The following ABHD1 variants were observed in gnomAD, a reference collection of about 807,000 sequenced individuals.
The protein encoded by ABHD1 is protein ABHD1.
In ABHD1, 47 loss-of-function variants were observed where a neutral mutation model predicts 41.4. That is an observed-to-expected ratio of 1.13 (90% CI 0.90 to 1.45). The LOEUF (loss-of-function observed/expected upper bound fraction) is 1.45. Ranked by LOEUF, ABHD1 falls within the 40% of genes most tolerant of loss-of-function variation. ABHD1 has a pLI of 0.00. For missense variants in ABHD1, 550 were observed against 503.4 expected (o/e 1.09, Z -0.89); for synonymous variants, 205 against 203.7 (o/e 1.01, Z -0.05).
chr2:27,128,012 T>C (rs1231087220), intron 1 of ABHD1, among the ~76,000 whole-genome samples: 2 of 151,896 alleles, frequency 1.3e-5, no homozygotes, highest in African/African-American at 4.8e-5. Context: ...ACAGTGGTGC[T>C]ATCATAGCTC....
At position 27,130,563 on chromosome 2, in the gene ABHD1, C is replaced by G. The variant is rs184214963; in HGVS notation, c.1037C>G (p.Pro346Arg). The change falls in exon 9 of 9, where the codon CCC becomes CGC. Residue 346 changes from proline (P) to arginine (R), a missense_variant. By Grantham distance (103) the Pro-to-Arg change is moderately radical. Transcript: ENST00000316470. ...ALPIQAAQHS[P>R]YVALLITARG... The stretch of plus-strand genomic sequence containing the variant: ...CCCATACAGGCCGCCCAACACTCCC[C>G]CTACGTTGCGCTGCTCATCACAGCC... 7 of 1,614,098 alleles carry G rather than the reference C, an allele frequency of 4.3e-6. No individual in the cohort carries two copies. The highest frequency in any genetic ancestry group is 4.0e-5 in the African/African-American group (3 of 74,950).
Position 27,124,067 on chromosome 2 carries a change from G to T in ABHD1, c.114+5G>T. 1 of 1,613,234 alleles carries T rather than the reference G, an allele frequency of 6.2e-7. No homozygotes were observed. Among genetic ancestry groups the T allele is most frequent in the Non-Finnish European group, 8.5e-7 (1 of 1,179,138 alleles). On this transcript the variant is annotated splice_donor_5th_base_variant and intron_variant, in intron 1 of 8. Coordinates refer to ENST00000316470, the MANE Select transcript of ABHD1 (RefSeq NM_032604.4). ...TACTGGGCATGTGTGCTTCAGGTGGGTGCGGGTCCACCGCTCTGGCCAGCG... is the reference window on the plus strand; with the variant it reads ...TACTGGGCATGTGTGCTTCAGGTGGTTGCGGGTCCACCGCTCTGGCCAGCG...
chr2:27,124,454 C>G (rs546694071), intron 1 of ABHD1: 8 of 360,794 alleles, frequency 2.2e-5, no homozygotes, highest in South Asian at 1.0e-4. Context: ...CACCCACCCC[C>G]CAAATAGCTT....
In ABHD1 at chr2:27,130,734, G is replaced by C; in HGVS notation, c.1208G>C (p.Arg403Thr). ...AGGGCTCTCTTACCTTCTGAGGACAGAAACAGCTGACAAGAGTACCATTTG... is the reference window on the plus strand; with the variant it reads ...AGGGCTCTCTTACCTTCTGAGGACACAAACAGCTGACAAGAGTACCATTTG... ...DLRALLPSED[R>T]NS The change falls in exon 9 of 9, where the codon AGA (arginine) becomes ACA (threonine). Residue 403 changes from arginine (R) to threonine (T), a missense_variant. Transcript: ENST00000316470. 1.9e-6 allele frequency: 3 copies of C among 1,614,114 alleles called. No individual in the cohort carries two copies. Among genetic ancestry groups the C allele is most frequent in the Non-Finnish European group, 2.5e-6 (3 of 1,179,962 alleles).
Position 27,129,297 on chromosome 2 carries a change from G to T in ABHD1, c.459-19G>T. 6.2e-7 allele frequency: 1 copy of T among 1,614,062 alleles called. No homozygotes were observed. Among genetic ancestry groups the T allele is most frequent in the Non-Finnish European group, 8.5e-7 (1 of 1,179,972 alleles). On this transcript the variant is annotated intron_variant, in intron 3 of 8. Transcript: ENST00000316470. ...GGGCTAAGAAGGGTCTGGCTAAGATGTACCTGTGTGTGCCACAGGGCTGTC... is the reference window on the plus strand; with the variant it reads ...GGGCTAAGAAGGGTCTGGCTAAGATTTACCTGTGTGTGCCACAGGGCTGTC...
chr2:27,123,894 A>G lies in ABHD1; in HGVS notation c.-55A>G, dbSNP rs1392278840. 1.3e-6 allele frequency: 2 copies of G among 1,500,222 alleles called. No homozygotes were observed. Among genetic ancestry groups the G allele is most frequent in the Admixed American group, 1.7e-5 (1 of 57,776 alleles). The allele number at this position is 1,500,222 out of a possible 1,614,324, so 92.9% of individuals were successfully genotyped here. ...GGCGGCGGGTGGGACCGCGAGTTAC[A>G]GCCGGCCAACTGGGGCCAGCCAGGA... On this transcript the variant is annotated 5_prime_UTR_variant, in exon 1 of 9. Coordinates refer to ENST00000316470, the MANE Select transcript of ABHD1 (RefSeq NM_032604.4).
chr2:27,125,847 G>C (rs908984796), intron 1 of ABHD1: 8 of 148,636 alleles, frequency 5.4e-5, no homozygotes, highest in African/African-American at 2.0e-4. Context: ...GTTGCGGTGA[G>C]CTGAGATGGC....
At chr2:27,129,171 G>A (rs376830651) in intron 3 of ABHD1, 44 bp downstream of exon 3, 92 of 1,597,812 alleles carry the variant, frequency 5.8e-5, no homozygotes, top group Non-Finnish European at 7.0e-5. Context: ...ATCTGAGAAC[G>A]TGTATTAGGG....
chr2:27,129,969 G>C, intron 6 of ABHD1, 42 bp downstream of exon 6: 1 of 1,612,724 alleles, frequency 6.2e-7, no homozygotes, highest in Non-Finnish European at 8.5e-7. Flanking sequence ...GACAGAGTAG[G>C]ATGGCAGACA....
At chr2:27,124,535 C>T (rs957945391) in intron 1 of ABHD1, 11 of 323,046 alleles carry the variant, frequency 3.4e-5, no homozygotes, top group African/African-American at 6.6e-5. Context: ...ATGGATGACC[C>T]CAACTGTCCT....
chr2:27,126,360 A>G (rs551784794), intron 1 of ABHD1: 32 of 152,370 alleles, frequency 2.1e-4, no homozygotes, highest in African/African-American at 7.5e-4. Flanking sequence ...CACGACTGAC[A>G]GCTGTCGTAA....
intron 2 of ABHD1, 126 bp from the exon 3 acceptor site, chr2:27,128,816 TGAA>T (rs1457383958): frequency 4.7e-6 from 6 of 1,275,478 alleles, no homozygotes; most frequent in South Asian, 2.9e-5. Flanking sequence ...CTGTTTTACA[TGAA>T]GAACACCCTC....
intron 1 of ABHD1, among the ~76,000 whole-genome samples, chr2:27,127,845 C>T (rs1010619224): frequency 6.6e-6 from 1 of 152,048 alleles, no homozygotes; most frequent in East Asian, 2.0e-4. Flanking sequence ...CAGGCATGAG[C>T]GACTGCGCCC....
intron 1 of ABHD1, chr2:27,126,227 A>G (rs1368695795): frequency 2.6e-5 from 4 of 152,264 alleles, no homozygotes; most frequent in African/African-American, 9.6e-5. Flanking sequence ...GTAATGTCAT[A>G]GTTAATAATT....
In ABHD1 at chr2:27,129,547, G is replaced by T. The variant is rs143292268; in HGVS notation, c.538G>T (p.Asp180Tyr). Reference sequence around the variant, plus strand: ...GGCTTTTTGTGCCAGCAATACTGAAGATCTAGAGACAGTCGTGAACCACAT... The same window carrying T: ...GGCTTTTTGTGCCAGCAATACTGAATATCTAGAGACAGTCGTGAACCACAT... The part of the protein sequence containing the change: ...HRAFCASNTE[D>Y]LETVVNHIKH... The change falls in exon 5 of 9, where the codon GAT (aspartate) becomes TAT (tyrosine). Residue 180 changes from aspartate (D) to tyrosine (Y), a missense_variant. Asp to Tyr is a radical substitution (Grantham distance 160, BLOSUM62 -3). Transcript: ENST00000316470. 1.2e-6 allele frequency: 2 copies of T among 1,614,022 alleles called. No homozygotes were observed. The highest frequency in any genetic ancestry group is 2.7e-5 in the African/African-American group (2 of 74,926).
rs763747273 is a variant in ABHD1, at chr2:27,129,827, T to A, written c.691T>A (p.Cys231Ser). The change falls in exon 6 of 9, where the codon TGC (cysteine) becomes AGC (serine). Residue 231 changes from cysteine (C) to serine (S), a missense_variant. By Grantham distance (112) the Cys-to-Ser change is moderately radical. Transcript: ENST00000316470. Reference sequence around the variant, plus strand: ...GGTGGCAGCACTGACTCTGTCTGCATGCTGGGATTCCTTTGAGACCACTCG... The same window carrying A: ...GGTGGCAGCACTGACTCTGTCTGCAAGCTGGGATTCCTTTGAGACCACTCG... ...GLVAALTLSA[C>S]WDSFETTRSL... 6.2e-7 allele frequency: 1 copy of A among 1,614,222 alleles called. No individual in the cohort carries two copies. Among genetic ancestry groups the A allele is most frequent in the African/African-American group, 1.3e-5 (1 of 75,072 alleles).
intron 2 of ABHD1, 124 bp from the exon 3 acceptor site, chr2:27,128,821 A>G: frequency 7.8e-7 from 1 of 1,287,350 alleles, no homozygotes; most frequent in South Asian, 1.4e-5. Context: ...TTACATGAAG[A>G]ACACCCTCAG....
rs201493932 is a variant in ABHD1 at position 27,130,550 on chromosome 2, G to A, written c.1024G>A (p.Ala342Thr). Residue 342 changes from alanine to threonine, a missense_variant, in exon 9 of 9, where the codon GCC (alanine) becomes ACC (threonine). Transcript: ENST00000316470. ...TCTCCTAGCCCTTCCCATACAGGCCGCCCAACACTCCCCCTACGTTGCGCT... is the reference window on the plus strand; with the variant it reads ...TCTCCTAGCCCTTCCCATACAGGCCACCCAACACTCCCCCTACGTTGCGCT... The part of the protein sequence containing the change: ...SPVCALPIQA[A>T]QHSPYVALLI... 59 of 1,614,106 alleles carry A rather than the reference G, an allele frequency of 3.7e-5. No individual in the cohort carries two copies. The highest frequency in any genetic ancestry group is 6.7e-5 in the East Asian group (3 of 44,874).
In ABHD1 at chr2:27,130,753, C is replaced by T; in HGVS notation, c.*9C>T. The T allele has an allele frequency of 1.2e-6, 2 of 1,611,690 alleles. No homozygotes were observed. The highest frequency in any genetic ancestry group is 8.5e-7 in the Non-Finnish European group (1 of 1,177,866). Reference sequence around the variant, plus strand: ...AGGACAGAAACAGCTGACAAGAGTACCATTTGGGGTCTCAGTTCACTCTTT... The same window carrying T: ...AGGACAGAAACAGCTGACAAGAGTATCATTTGGGGTCTCAGTTCACTCTTT... On this transcript the variant is annotated 3_prime_UTR_variant, in exon 9 of 9. Coordinates refer to ENST00000316470, the MANE Select transcript of ABHD1 (RefSeq NM_032604.4).
Sources: gnomAD v4.1 joint callset for allele counts (sites outside exome capture counted in the v4.1 genomes callset) on GRCh38, gnomAD v4.1.1 for gene constraint, MANE v1.5 for transcripts, NCBI Gene and HGNC (gene_info 2026-07-23, HGNC 2026-07-21) for gene names.